CCDC102B: variants seen among roughly 807,000 people sequenced by gnomAD.
CCDC102B encodes coiled-coil domain-containing protein 102B.
CCDC102B carries 75 observed loss-of-function variants against 57.4 expected under a neutral mutation model. That is an observed-to-expected ratio of 1.31 (90% CI 1.08 to 1.58). CCDC102B has a LOEUF of 1.58. CCDC102B is among the 40% of genes most tolerant of loss of function. The probability of loss-of-function intolerance (pLI) is 0.00; values close to 1 mark genes in which losing one functional copy is unlikely to be tolerated. For synonymous variants in CCDC102B, 206 were observed against 201.9 expected, an observed-to-expected ratio of 1.02 and a Z score of -0.17; for missense variants, 636 against 582.6, an observed-to-expected ratio of 1.09 and a Z score of -0.94.
chr18:68,953,044 CAAAT>C (rs1328953517), intron 6 of CCDC102B, among the ~76,000 whole-genome samples: 1 of 151,866 alleles, frequency 6.6e-6, no homozygotes, highest in East Asian at 1.9e-4. Flanking sequence ...TTAAAGGAAT[CAAAT>C]GAATAATCTA....
intron 2 of CCDC102B, among the ~76,000 whole-genome samples, chr18:68,731,653 T>C (rs1299523884): frequency 4.6e-5 from 7 of 150,734 alleles, no homozygotes; most frequent in Admixed American, 4.6e-4. Context: ...TAAACAATTT[T>C]GTATATGTAT....
chr18:68,981,898 T>C (rs2050594134), intron 6 of CCDC102B, among the ~76,000 whole-genome samples: 1 of 151,976 alleles, frequency 6.6e-6, no homozygotes, highest in Non-Finnish European at 1.5e-5. Flanking sequence ...AGTTCCTCCA[T>C]GTCCCTACAA....
intron 6 of CCDC102B, among the ~76,000 whole-genome samples, chr18:68,989,668 G>C (rs2050812732): frequency 1.3e-5 from 2 of 152,304 alleles, no homozygotes; most frequent in Admixed American, 6.5e-5. Context: ...CCCACGCCAG[G>C]CTACCACGTT....
intron 2 of CCDC102B, among the ~76,000 whole-genome samples, chr18:68,755,950 A>G (rs1408824769): frequency 6.6e-6 from 1 of 151,732 alleles, no homozygotes; most frequent in East Asian, 1.9e-4. Flanking sequence ...AACTGTAGAT[A>G]AAAGAGCTAT....
chr18:68,979,473 GC>G (rs528060462), intron 6 of CCDC102B, among the ~76,000 whole-genome samples: 103 of 152,074 alleles, frequency 6.8e-4, no homozygotes, highest in African/African-American at 2.4e-3. Context: ...CCAAGCTGGT[GC>G]CCTTTAGCTT....
intron 2 of CCDC102B, among the ~76,000 whole-genome samples, chr18:68,789,865 G>A (rs1284369375): frequency 6.6e-6 from 1 of 151,910 alleles, no homozygotes; most frequent in African/African-American, 2.4e-5. Context: ...TTGTTCCGTT[G>A]CTGGTGAGGA....
intron 6 of CCDC102B, among the ~76,000 whole-genome samples, chr18:68,938,948 C>A (rs1005283861): frequency 6.6e-6 from 1 of 151,456 alleles, no homozygotes; most frequent in Non-Finnish European, 1.5e-5. Flanking sequence ...CCCCTGAGTA[C>A]TTCATTATTA....
chr18:69,024,561 G>A (rs2051932500), intron 7 of CCDC102B, among the ~76,000 whole-genome samples: 1 of 151,938 alleles, frequency 6.6e-6, no homozygotes, highest in Non-Finnish European at 1.5e-5. Context: ...CACACTTATT[G>A]ACTCTAAAGG....
chr18:68,884,373 G>A (rs28666475), intron 5 of CCDC102B, among the ~76,000 whole-genome samples: 18,027 of 151,994 alleles, frequency 0.12, 1,571 homozygotes, highest in African/African-American at 0.23. Flanking sequence ...CAACATGGAT[G>A]GGCCAGTAGG....
intron 7 of CCDC102B, among the ~76,000 whole-genome samples, chr18:69,037,028 TAC>T (rs3059238): frequency 0.71 from 105,899 of 149,832 alleles, 38,244 homozygotes; most frequent in Non-Finnish European, 0.79. Flanking sequence ...GGTGTATATA[TAC>T]ACACACACAC....
At chr18:68,887,664 A>T (rs956831042) in intron 5 of CCDC102B, among the ~76,000 whole-genome samples, 2 of 152,248 alleles carry the variant, frequency 1.3e-5, no homozygotes, top group South Asian at 2.1e-4. Flanking sequence ...TAGGCCACAG[A>T]TGTGAATCTT....
intron 5 of CCDC102B, 80 bp from the exon 6 acceptor site, chr18:68,897,139 T>C: frequency 9.8e-7 from 1 of 1,024,068 alleles, no homozygotes; most frequent in Admixed American, 2.3e-5. Context: ...CTTTTCTTAA[T>C]GGGAGTCTGG....
intron 4 of CCDC102B, among the ~76,000 whole-genome samples, chr18:68,871,300 G>C (rs114084566): frequency 6.6e-6 from 1 of 152,088 alleles, no homozygotes; most frequent in Non-Finnish European, 1.5e-5. Context: ...TTCTATTTCT[G>C]TCCCTTTCAA....
At chr18:68,957,633 G>A (rs2049937674) in intron 6 of CCDC102B, among the ~76,000 whole-genome samples, 1 of 138,706 alleles carries the variant, frequency 7.2e-6, no homozygotes, top group Admixed American at 7.5e-5. Context: ...TTAGAATTAT[G>A]TTTTATATTT....
chr18:68,851,136 A>C (rs1249595198), intron 4 of CCDC102B, among the ~76,000 whole-genome samples: 1 of 152,208 alleles, frequency 6.6e-6, no homozygotes, highest in Non-Finnish European at 1.5e-5. Flanking sequence ...AAATGAATGA[A>C]GCACTGTACT....
At chr18:68,741,667 T>TCACACACACA (rs60407642) in intron 2 of CCDC102B, among the ~76,000 whole-genome samples, 134 of 140,368 alleles carry the variant, frequency 9.5e-4, no homozygotes, top group African/African-American at 3.5e-3. Flanking sequence ...TGAAGACTGG[T>TCACACACACA]CACACACACA....
chr18:68,889,716 G>A (rs1024009744), intron 5 of CCDC102B, among the ~76,000 whole-genome samples: 1 of 152,142 alleles, frequency 6.6e-6, no homozygotes, highest in African/African-American at 2.4e-5. Flanking sequence ...TGGGATTACA[G>A]GCGTGAGCCA....
At chr18:69,007,566 A>T (rs574580629) in intron 6 of CCDC102B, among the ~76,000 whole-genome samples, 1 of 152,218 alleles carries the variant, frequency 6.6e-6, no homozygotes, top group African/African-American at 2.4e-5. Context: ...CTCAAACTTT[A>T]TGGTGAATCA....
At chr18:69,048,830 G>A (rs2052628299) in intron 7 of CCDC102B, among the ~76,000 whole-genome samples, 2 of 152,012 alleles carry the variant, frequency 1.3e-5, no homozygotes, top group South Asian at 4.2e-4. Context: ...TCAATCACTT[G>A]GGATCTGGTT....
Sources: gnomAD v4.1 joint callset for allele counts (sites outside exome capture counted in the v4.1 genomes callset) on GRCh38, gnomAD v4.1.1 for gene constraint, MANE v1.5 for transcripts, NCBI Gene and HGNC (gene_info 2026-07-23, HGNC 2026-07-21) for gene names.